The following GLCCI1 variants were observed in gnomAD, a reference collection of about 807,000 sequenced individuals.
GLCCI1 encodes glucocorticoid-induced transcript 1 protein.
In GLCCI1, 24 loss-of-function variants were observed where a neutral mutation model predicts 52.2. The ratio of observed to expected loss-of-function variants is 0.46; its 90% confidence interval spans 0.33 to 0.65. GLCCI1 has a LOEUF of 0.65. Among genes scored for constraint, GLCCI1 ranks in the 30% least tolerant of loss-of-function variants. GLCCI1 has a pLI of 0.02. For synonymous variants in GLCCI1, 310 were observed against 276.5 expected (o/e 1.12, Z -1.20); for missense variants, 704 against 701.5 (o/e 1.00, Z -0.04).
intron 1 of GLCCI1, among the ~76,000 whole-genome samples, chr7:7,976,509 AAGG>A (rs1185145065): frequency 4.1e-5 from 6 of 145,322 alleles, no homozygotes; most frequent in East Asian, 2.0e-4. Flanking sequence ...GGAAAGGAAA[AAGG>A]AAAGGAGAAA....
chr7:8,066,906 C>A (rs1045145914), intron 5 of GLCCI1, among the ~76,000 whole-genome samples: 1 of 152,074 alleles, frequency 6.6e-6, no homozygotes, highest in Admixed American at 6.6e-5. Flanking sequence ...TTCATTTGGT[C>A]AAGTGTTGAG....
intron 3 of GLCCI1, among the ~76,000 whole-genome samples, chr7:8,026,403 C>A (rs1050773072): frequency 1.3e-5 from 2 of 152,186 alleles, no homozygotes; most frequent in Admixed American, 1.3e-4. Flanking sequence ...CCTCCCACCC[C>A]CAATGGAGTA....
At chr7:8,004,786 C>T (rs946169376) in intron 2 of GLCCI1, among the ~76,000 whole-genome samples, 8 of 152,074 alleles carry the variant, frequency 5.3e-5, no homozygotes, top group Admixed American at 3.3e-4. Flanking sequence ...TATAATTCGA[C>T]GTTAGATGAA....
chr7:8,073,610 A>G (rs1411207157), intron 6 of GLCCI1, among the ~76,000 whole-genome samples: 1 of 152,188 alleles, frequency 6.6e-6, no homozygotes, highest in Non-Finnish European at 1.5e-5. Context: ...TAGGGTAATA[A>G]TACCTTCCTC....
chr7:8,029,040 C>G (rs7785493), intron 3 of GLCCI1, among the ~76,000 whole-genome samples: 69,023 of 151,986 alleles, frequency 0.45, 16,122 homozygotes, highest in Middle Eastern at 0.56. Context: ...CACCTAGTAC[C>G]AATCCTACTA....
At chr7:8,039,841 A>G (rs1287721752) in intron 3 of GLCCI1, among the ~76,000 whole-genome samples, 1 of 152,072 alleles carries the variant, frequency 6.6e-6, no homozygotes, top group Non-Finnish European at 1.5e-5. Flanking sequence ...TACTAAAAAT[A>G]CAAAAATTAG....
intron 1 of GLCCI1, among the ~76,000 whole-genome samples, chr7:8,003,654 T>G (rs918171026): frequency 2.7e-4 from 41 of 152,056 alleles, no homozygotes; most frequent in Non-Finnish European, 7.4e-5. Context: ...TGAGATGATA[T>G]GCAGATTTAT....
chr7:8,011,127 C>CA (rs764722363), intron 2 of GLCCI1, among the ~76,000 whole-genome samples: 7,741 of 148,826 alleles, frequency 0.052, 408 homozygotes, highest in African/African-American at 0.13. Context: ...TCCTCCCACA[C>CA]AAAAAAAAAT....
intron 3 of GLCCI1, among the ~76,000 whole-genome samples, chr7:8,051,879 A>C (rs774003322): frequency 1.3e-5 from 2 of 152,162 alleles, no homozygotes; most frequent in Non-Finnish European, 2.9e-5. Context: ...TGGTGGATAT[A>C]TGTGTTGTAA....
At chr7:8,043,898 T>C (rs1222662133) in intron 3 of GLCCI1, among the ~76,000 whole-genome samples, 1 of 151,866 alleles carries the variant, frequency 6.6e-6, no homozygotes, top group Admixed American at 6.6e-5. Context: ...TCAAGAATTA[T>C]AATGTGAGAA....
intron 6 of GLCCI1, among the ~76,000 whole-genome samples, chr7:8,083,152 G>C (rs1783033139): frequency 6.6e-6 from 1 of 152,082 alleles, no homozygotes; most frequent in East Asian, 1.9e-4. Context: ...TGGATACATA[G>C]GTGTATATAT....
chr7:8,006,776 G>A (rs981759229), intron 2 of GLCCI1, among the ~76,000 whole-genome samples: 19 of 152,140 alleles, frequency 1.2e-4, no homozygotes. Context: ...TCCACATGGG[G>A]CAGGCCCACC....
At chr7:8,017,095 G>T (rs753479667) in intron 2 of GLCCI1, among the ~76,000 whole-genome samples, 1 of 152,120 alleles carries the variant, frequency 6.6e-6, no homozygotes, top group Non-Finnish European at 1.5e-5. Flanking sequence ...CAAATCTATA[G>T]GTTCATGTGC....
intron 4 of GLCCI1, among the ~76,000 whole-genome samples, chr7:8,058,687 G>C (rs1022572560): frequency 6.6e-6 from 1 of 152,122 alleles, no homozygotes; most frequent in Non-Finnish European, 1.5e-5. Flanking sequence ...TAAAAATCCA[G>C]AAAGAAAAAT....
intron 1 of GLCCI1, among the ~76,000 whole-genome samples, chr7:7,986,914 T>C (rs1035542853): frequency 2.6e-5 from 4 of 152,220 alleles, no homozygotes; most frequent in African/African-American, 9.7e-5. Context: ...TTCTCAGAAT[T>C]ATCTACTGAA....
chr7:8,052,034 T>A lies in GLCCI1; in HGVS notation c.697-3399T>A, dbSNP rs79669783. ...TAGTCACCTTGTCCTGGGCAGGTAC[T>A]ACCCTATAGGTCACCTTTGTGTGAA... On this transcript the variant is annotated intron_variant, in intron 3 of 7. Coordinates refer to ENST00000223145, the MANE Select transcript of GLCCI1 (RefSeq NM_138426.4). 5.3e-3 allele frequency among the ~76,000 whole-genome samples: 809 copies of A among 152,346 alleles called. 5 individuals are homozygous for A. The highest frequency in any genetic ancestry group is 0.018 in the African/African-American group (766 of 41,578).
chr7:8,050,602 C>T (rs1182006333), intron 3 of GLCCI1, among the ~76,000 whole-genome samples: 1 of 152,128 alleles, frequency 6.6e-6, no homozygotes, highest in African/African-American at 2.4e-5. Flanking sequence ...AGAAAAAGTA[C>T]TTGAGTTAAT....
chr7:7,969,570 C>G lies in GLCCI1; in HGVS notation c.220C>G (p.Arg74Gly). Residue 74 changes from arginine (R) to glycine (G), a missense_variant, in exon 1 of 8, where the codon CGG becomes GGG. Physicochemically the swap from Arg to Gly is moderately radical, Grantham distance 125 (BLOSUM62 -2). Transcript: ENST00000223145. The surrounding 1 kb of genome is among the most constrained non-coding windows in gnomAD (Gnocchi z 4.9). ...CGCCACGGTGCCCTACCAGCTCTTG[C>G]GGGGCAGCCAGCACAGTCCCACGCG... is the stretch of plus-strand genomic sequence containing the variant. ...IRATVPYQLLRGSQHSPTRPP... is the reference protein window; with the variant it reads ...IRATVPYQLLGGSQHSPTRPP... 9.9e-7 allele frequency: 1 copy of G among 1,011,160 alleles called. No individual in the cohort carries two copies. Among genetic ancestry groups the G allele is most frequent in the Non-Finnish European group, 1.2e-6 (1 of 848,150 alleles). The allele number at this position is 1,011,160 out of a possible 1,614,324, so 62.6% of individuals were successfully genotyped here. A position where few individuals can be genotyped will look rare whatever the true frequency, so the allele number is the denominator to read the frequency against.
chr7:8,046,452 C>G (rs1451289349), intron 3 of GLCCI1, among the ~76,000 whole-genome samples: 2 of 152,198 alleles, frequency 1.3e-5, no homozygotes, highest in Non-Finnish European at 2.9e-5. Context: ...AACATCAACA[C>G]AGACCTTAAG....
Sources: gnomAD v4.1 joint callset for allele counts (sites outside exome capture counted in the v4.1 genomes callset) on GRCh38, gnomAD v4.1.1 for gene constraint, Gnocchi (gnomAD v3.1) non-coding constraint, MANE v1.5 for transcripts, NCBI Gene and HGNC (gene_info 2026-07-23, HGNC 2026-07-21) for gene names.